The following PKIB variants were observed in gnomAD, a reference collection of about 807,000 sequenced individuals.
PKIB encodes the protein PKI-beta.
A neutral mutation model predicts 4.5 loss-of-function variants in PKIB; 2 were observed. The ratio of observed to expected loss-of-function variants is 0.44; its 90% CI spans 0.18 to 1.39. PKIB has a LOEUF of 1.39. Among genes scored for constraint, PKIB ranks in the 40% most tolerant of loss-of-function variants. PKIB has a pLI of 0.27. For synonymous variants in PKIB, 38 were observed against 36.0 expected, an observed-to-expected ratio of 1.06 and a Z score of -0.20; for missense variants, 94 against 92.6, an observed-to-expected ratio of 1.02 and a Z score of -0.06.
chr6:122,724,214 C>T (rs1354796959), intron 4 of PKIB, among the ~76,000 whole-genome samples: 1 of 152,080 alleles, frequency 6.6e-6, no homozygotes, highest in African/African-American at 2.4e-5. Flanking sequence ...ACAGTAGTGA[C>T]TTGTGGGAAC....
At chr6:122,528,065 C>T (rs1399724737) in intron 2 of PKIB, among the ~76,000 whole-genome samples, 1 of 152,084 alleles carries the variant, frequency 6.6e-6, no homozygotes, top group Middle Eastern at 3.2e-3. Context: ...ATATTTGGTG[C>T]ATAAATACTT....
chr6:122,700,168 C>CTGTTCT (rs1554233595), intron 3 of PKIB, among the ~76,000 whole-genome samples: 2 of 149,538 alleles, frequency 1.3e-5, no homozygotes, highest in African/African-American at 4.9e-5. Flanking sequence ...TTTTAGGGTT[C>CTGTTCT]TGTTGTTGTT....
At chr6:122,671,897 A>G (rs1015059132) in intron 2 of PKIB, among the ~76,000 whole-genome samples, 1 of 152,320 alleles carries the variant, frequency 6.6e-6, no homozygotes, top group South Asian at 2.1e-4. Context: ...TAGAAAATAT[A>G]TATTTGGAAG....
chr6:122,610,740 A>G (rs952571972), intron 1 of PKIB, among the ~76,000 whole-genome samples: 1 of 152,226 alleles, frequency 6.6e-6, no homozygotes, highest in Non-Finnish European at 1.5e-5. Context: ...TTTAACTCAC[A>G]AGTCAGGGTA....
chr6:122,678,356 G>A (rs932715638), intron 3 of PKIB, among the ~76,000 whole-genome samples: 10 of 152,248 alleles, frequency 6.6e-5, no homozygotes, highest in African/African-American at 2.2e-4. Flanking sequence ...ACCTGGACAG[G>A]ACTTCTGTTC....
At chr6:122,613,018 A>G (rs1474259978) in intron 1 of PKIB, among the ~76,000 whole-genome samples, 1 of 152,208 alleles carries the variant, frequency 6.6e-6, no homozygotes, top group African/African-American at 2.4e-5. Context: ...GCTGAGGTAC[A>G]GCAAACACTT....
intron 3 of PKIB, among the ~76,000 whole-genome samples, chr6:122,603,746 G>T (rs1774446055): frequency 6.6e-6 from 1 of 152,192 alleles, no homozygotes; most frequent in South Asian, 2.1e-4. Context: ...CTCCCAAAGT[G>T]CTGGGATTAC....
At chr6:122,557,034 T>C (rs974169590) in intron 2 of PKIB, among the ~76,000 whole-genome samples, 4 of 152,120 alleles carry the variant, frequency 2.6e-5, no homozygotes, top group African/African-American at 9.6e-5. Flanking sequence ...GCCAACATGG[T>C]AAAATCCTGT....
intron 1 of PKIB, among the ~76,000 whole-genome samples, chr6:122,614,436 C>G (rs1774900018): frequency 6.6e-6 from 1 of 152,220 alleles, no homozygotes; most frequent in African/African-American, 2.4e-5. Context: ...ACTCTCCCTT[C>G]CTGCAGTCTC....
chr6:122,541,010 C>A (rs1582686339), intron 2 of PKIB, among the ~76,000 whole-genome samples: 1 of 150,638 alleles, frequency 6.6e-6, no homozygotes, highest in South Asian at 2.1e-4. Context: ...CAACCCCTGC[C>A]TTTTTTTTGT....
intron 2 of PKIB, chr6:122,481,009 C>G (rs779027746): frequency 6.6e-6 from 1 of 152,066 alleles, no homozygotes; most frequent in African/African-American, 2.4e-5. Context: ...TAGTCAAGCT[C>G]CTTGCATCAA....
chr6:122,721,962 C>T (rs1779762591), intron 4 of PKIB, among the ~76,000 whole-genome samples: 1 of 152,026 alleles, frequency 6.6e-6, no homozygotes, highest in Non-Finnish European at 1.5e-5. Flanking sequence ...ATAGCTTATT[C>T]ACATTTGAAA....
At chr6:122,634,547 T>C (rs1396510056) in intron 2 of PKIB, among the ~76,000 whole-genome samples, 1 of 151,792 alleles carries the variant, frequency 6.6e-6, no homozygotes. Flanking sequence ...AAAGTTCTTC[T>C]CCCCCTCTCA....
At chr6:122,612,845 C>T (rs1399136831) in intron 1 of PKIB, among the ~76,000 whole-genome samples, 1 of 151,932 alleles carries the variant, frequency 6.6e-6, no homozygotes. Context: ...AAACTTGTGT[C>T]TAACTTTTAA....
At chr6:122,553,808 A>G (rs1174495977) in intron 2 of PKIB, among the ~76,000 whole-genome samples, 3 of 152,178 alleles carry the variant, frequency 2.0e-5, no homozygotes, top group Non-Finnish European at 4.4e-5. Flanking sequence ...AAGATTAAAC[A>G]GTAGGATGAC....
chr6:122,617,629 T>C (rs988245061), intron 1 of PKIB, among the ~76,000 whole-genome samples: 1 of 152,196 alleles, frequency 6.6e-6, no homozygotes, highest in African/African-American at 2.4e-5. Context: ...ACTTTTCATA[T>C]TTTCTTTCAA....
chr6:122,627,044 T>A (rs1032870285), intron 1 of PKIB, among the ~76,000 whole-genome samples: 3 of 145,160 alleles, frequency 2.1e-5, no homozygotes, highest in Admixed American at 7.0e-5. Context: ...ACCATCCTGG[T>A]TAACACGGTG....
In PKIB at chr6:122,671,248, C is replaced by T. The variant is rs149817431; in HGVS notation, c.-75-3830C>T. Among the ~76,000 whole-genome samples, 866 of 150,858 alleles carry T rather than the reference C, an allele frequency of 5.7e-3. 9 individuals carry two copies. The highest frequency in any genetic ancestry group is 0.02 in the African/African-American group (828 of 41,016). On this transcript the variant is annotated intron_variant, in intron 2 of 4. Transcript: ENST00000368452. ...CGGAGGTTGCAGTGAGCCAAAATTG[C>T]GCCACTGCACTCCAGCCTGGTGACA...
intron 3 of PKIB, among the ~76,000 whole-genome samples, chr6:122,602,401 A>C (rs1167958782): frequency 1.3e-5 from 2 of 152,186 alleles, no homozygotes; most frequent in Non-Finnish European, 2.9e-5. Flanking sequence ...AGCTAATGAG[A>C]ATCATAAGAT....
Sources: gnomAD v4.1 joint callset for allele counts (sites outside exome capture counted in the v4.1 genomes callset) on GRCh38, gnomAD v4.1.1 for gene constraint, MANE v1.5 for transcripts, NCBI Gene and HGNC (gene_info 2026-07-23, HGNC 2026-07-21) for gene names.